NRG1: variants seen among roughly 807,000 people sequenced by gnomAD.
NRG1 encodes neuregulin 1, also known as pro-neuregulin-1, membrane-bound isoform.
NRG1 carries 18 observed loss-of-function variants against 63.8 expected under a neutral mutation model. The ratio of observed to expected loss-of-function variants is 0.28; its 90% CI spans 0.19 to 0.42. The LOEUF (loss-of-function observed/expected upper bound fraction) is 0.42, where lower values mean the gene tolerates loss of function less well. NRG1 is among the 10% of genes least tolerant of loss of function. The probability of loss-of-function intolerance (pLI) is 1.00; values close to 1 mark genes in which losing one functional copy is unlikely to be tolerated. For missense variants in NRG1, 762 were observed against 814.7 expected, an observed-to-expected ratio of 0.94 and a Z score of 0.79; for synonymous variants, 302 against 301.3, an observed-to-expected ratio of 1.00 and a Z score of -0.02.
intron 1 of NRG1, among the ~76,000 whole-genome samples, chr8:32,027,744 T>C (rs545831350): frequency 3.3e-5 from 5 of 152,294 alleles, no homozygotes; most frequent in African/African-American, 9.6e-5. Flanking sequence ...CTGCAGCCTT[T>C]TCTCTGTCTC....
chr8:31,811,627 C>G (rs1335532778), intron 1 of NRG1, among the ~76,000 whole-genome samples: 7 of 152,068 alleles, frequency 4.6e-5, no homozygotes, highest in South Asian at 4.1e-4. Context: ...TATATCTTAT[C>G]ACTGTTTTCT....
At chr8:32,733,463 TAA>T (rs112796629) in intron 6 of NRG1, among the ~76,000 whole-genome samples, 5,449 of 152,248 alleles carry the variant, frequency 0.036, 337 homozygotes, top group African/African-American at 0.13. Flanking sequence ...ACGTATTTGA[TAA>T]TATATATAAT....
chr8:31,741,331 T>C (rs1369663429), intron 1 of NRG1, among the ~76,000 whole-genome samples: 1 of 151,916 alleles, frequency 6.6e-6, no homozygotes, highest in Non-Finnish European at 1.5e-5. Context: ...TATACCCAGG[T>C]ACCAAATCTG....
intron 1 of NRG1, among the ~76,000 whole-genome samples, chr8:31,660,363 C>T (rs1418705962): frequency 6.6e-6 from 1 of 152,178 alleles, no homozygotes; most frequent in Non-Finnish European, 1.5e-5. Context: ...GGCACCTCTG[C>T]TAAGGCACAT....
chr8:32,476,684 A>G (rs940692982), intron 1 of NRG1, among the ~76,000 whole-genome samples: 2 of 152,182 alleles, frequency 1.3e-5, no homozygotes, highest in East Asian at 1.9e-4. Flanking sequence ...GCTACTCTTG[A>G]TAGTAATTCC....
intron 1 of NRG1, among the ~76,000 whole-genome samples, chr8:32,227,245 G>A (rs549795005): frequency 1.3e-5 from 2 of 152,282 alleles, no homozygotes; most frequent in East Asian, 3.9e-4. Flanking sequence ...AAGCTATGCA[G>A]AAGTGCTTAG....
chr8:32,624,068 A>T (rs2129542936), intron 5 of NRG1, among the ~76,000 whole-genome samples: 1 of 152,328 alleles, frequency 6.6e-6, no homozygotes, highest in Non-Finnish European at 1.5e-5. Context: ...ATTTATTTAT[A>T]CAACTCAGTG....
intron 1 of NRG1, among the ~76,000 whole-genome samples, chr8:31,723,034 T>C (rs961332315): frequency 6.6e-6 from 1 of 152,186 alleles, no homozygotes; most frequent in African/African-American, 2.4e-5. Context: ...AAATCTTATA[T>C]TGATGAACTT....
chr8:31,932,438 T>C (rs550482708), intron 1 of NRG1, among the ~76,000 whole-genome samples: 8 of 152,358 alleles, frequency 5.3e-5, no homozygotes, highest in Admixed American at 3.9e-4. Context: ...AAGGAGTTGG[T>C]TGAATCCTTC....
At chr8:32,152,704 C>G (rs1837634374) in intron 1 of NRG1, among the ~76,000 whole-genome samples, 2 of 152,096 alleles carry the variant, frequency 1.3e-5, no homozygotes, top group African/African-American at 4.8e-5. Flanking sequence ...CAAAGAGTGA[C>G]TGCTGAACTG....
rs1302873280 is a variant in NRG1, at chr8:32,054,855, CTTTCTTTCTTTTTTTTTTTTTTTTTTTTT to C, written c.37+415428_37+415456del. Reference sequence around the variant, plus strand: ...AGCATTTCCCTTGAAAAGCAGATTTCTTTCTTTCTTTTTTTTTTTTTTTTTTTTTTTTTTTTTTTTTTTTTTTTTTTGAG... The same window carrying C: ...AGCATTTCCCTTGAAAAGCAGATTTCTTTTTTTTTTTTTTTTTTTTTTGAG... On this transcript the variant is annotated intron_variant, in intron 1 of 10. Transcript: ENST00000519301. 3.9e-4 allele frequency among the ~76,000 whole-genome samples: 22 copies of C among 56,316 alleles called. 1 individual carries two copies. The highest frequency in any genetic ancestry group is 1.6e-3 in the African/African-American group (22 of 13,354). 36.9% of individuals were successfully genotyped at this position (56,316 alleles called of 152,430 possible).
At chr8:31,717,370 G>A (rs865968397) in intron 1 of NRG1, among the ~76,000 whole-genome samples, 2 of 148,548 alleles carry the variant, frequency 1.3e-5, no homozygotes, top group African/African-American at 5.0e-5. Context: ...TGGCACTACT[G>A]CACTCCAGCC....
intron 1 of NRG1, among the ~76,000 whole-genome samples, chr8:32,377,056 G>C (rs1280674633): frequency 1.3e-5 from 2 of 152,232 alleles, no homozygotes; most frequent in South Asian, 2.1e-4. Context: ...TTCATCTGAT[G>C]GTTTCTAGTA....
chr8:32,404,279 C>G (rs1359855929), intron 1 of NRG1, among the ~76,000 whole-genome samples: 2 of 152,026 alleles, frequency 1.3e-5, no homozygotes, highest in African/African-American at 4.8e-5. Context: ...GGGGTAATGA[C>G]AAAAATCAGG....
intron 1 of NRG1, among the ~76,000 whole-genome samples, chr8:32,378,316 A>G (rs1486327453): frequency 1.3e-5 from 2 of 152,214 alleles, no homozygotes; most frequent in Non-Finnish European, 2.9e-5. Flanking sequence ...ACTTTTACTC[A>G]TAAAGCCAGC....
intron 1 of NRG1, among the ~76,000 whole-genome samples, chr8:32,395,283 GGTAGGTACAT>G (rs1219643317): frequency 4.6e-5 from 7 of 152,108 alleles, no homozygotes; most frequent in African/African-American, 1.7e-4. Context: ...TGGGTCATAG[GGTAGGTACAT>G]GTGTACCACT....
intron 7 of NRG1, chr8:32,743,047 A>G (rs1826715328): frequency 1.8e-6 from 2 of 1,135,822 alleles, no homozygotes; most frequent in African/African-American, 1.6e-5. Flanking sequence ...AAGGCATTTC[A>G]AAGTCTCACT....
intron 1 of NRG1, among the ~76,000 whole-genome samples, chr8:32,200,842 T>G (rs776535920): frequency 6.6e-6 from 1 of 152,174 alleles, no homozygotes; most frequent in Non-Finnish European, 1.5e-5. Context: ...GTATGATGCT[T>G]CATTGATTAG....
chr8:31,821,392 A>G (rs1823991925), intron 1 of NRG1, among the ~76,000 whole-genome samples: 1 of 152,234 alleles, frequency 6.6e-6, no homozygotes, highest in Non-Finnish European at 1.5e-5. Context: ...TGTCTGGAAT[A>G]AGAGCCAGAT....
Sources: allele counts gnomAD v4.1 joint callset (sites outside exome capture counted in the v4.1 genomes callset), GRCh38; gene constraint gnomAD v4.1.1; transcripts MANE v1.5; gene names NCBI Gene and HGNC (gene_info 2026-07-23, HGNC 2026-07-21).